BBS9: variants seen among roughly 807,000 people sequenced by gnomAD.
BBS9 encodes Bardet-Biedl syndrome 9, also known as protein PTHB1.
BBS9 carries 89 observed loss-of-function variants against 117.7 expected under a neutral mutation model. The ratio of observed to expected loss-of-function variants is 0.76; its 90% CI spans 0.64 to 0.90. The LOEUF (loss-of-function observed/expected upper bound fraction) is 0.90. Among genes scored for constraint, BBS9 ranks in the 40% least tolerant of loss-of-function variants. BBS9 has a pLI of 0.00. For missense variants in BBS9, 982 were observed against 1,042.2 expected (o/e 0.94, Z 0.80); for synonymous variants, 379 against 370.9 (o/e 1.02, Z -0.25).
chr7:33,513,173 C>G (rs1377716430), intron 20 of BBS9, among the ~76,000 whole-genome samples: 1 of 152,210 alleles, frequency 6.6e-6, no homozygotes, highest in Non-Finnish European at 1.5e-5. Context: ...GGGTACACAG[C>G]TTCTTCCATC....
chr7:33,433,308 C>T (rs909785456), intron 19 of BBS9, among the ~76,000 whole-genome samples: 1 of 152,144 alleles, frequency 6.6e-6, no homozygotes, highest in African/African-American at 2.4e-5. Flanking sequence ...TCACAGTCAT[C>T]TGTATAATGC....
chr7:33,318,330 T>C (rs1462942704), intron 9 of BBS9, among the ~76,000 whole-genome samples: 1 of 152,182 alleles, frequency 6.6e-6, no homozygotes, highest in Non-Finnish European at 1.5e-5. Flanking sequence ...TTTACATATA[T>C]TGGTCCTTCT....
At chr7:33,611,645 G>A (rs1406553523) in intron 21 of BBS9, among the ~76,000 whole-genome samples, 1 of 101,984 alleles carries the variant, frequency 9.8e-6, no homozygotes, top group Non-Finnish European at 1.7e-5. Context: ...ATTATATAAG[G>A]TATATTATAT....
At position 33,379,120 on chromosome 7, in the gene BBS9, C is replaced by T. The variant is rs978823218; in HGVS notation, c.1790-4546C>T. On this transcript the variant is annotated intron_variant, in intron 17 of 22. Transcript: ENST00000242067. ...TGCTTACTGCACTTCAGACGTACTA[C>T]GTTCCTCGTCTGTGTTTTATAAACA... Among the ~76,000 whole-genome samples the T allele has an allele frequency of 6.6e-5, 10 of 152,222 alleles. No homozygotes were observed. The East Asian group carries it at 7.7e-4, about 12-fold the overall frequency.
intron 21 of BBS9, among the ~76,000 whole-genome samples, chr7:33,558,849 T>C (rs1352423735): frequency 6.6e-6 from 1 of 152,100 alleles, no homozygotes; most frequent in African/African-American, 2.4e-5. Flanking sequence ...TTTGAGAAAA[T>C]GAATAATTTA....
intron 19 of BBS9, among the ~76,000 whole-genome samples, chr7:33,414,467 T>C (rs185654414): frequency 6.6e-6 from 1 of 152,100 alleles, no homozygotes; most frequent in East Asian, 1.9e-4. Context: ...AAAATGAAAA[T>C]GGAAAAGCAC....
chr7:33,372,099 C>T (rs1438243119), intron 17 of BBS9, among the ~76,000 whole-genome samples: 2 of 151,730 alleles, frequency 1.3e-5, no homozygotes, highest in Non-Finnish European at 2.9e-5. Context: ...AGCAAGTGAA[C>T]TAGGTTAAAA....
chr7:33,485,379 G>A (rs1429267250), intron 19 of BBS9, among the ~76,000 whole-genome samples: 1 of 146,180 alleles, frequency 6.8e-6, no homozygotes, highest in Non-Finnish European at 1.5e-5. Flanking sequence ...GCGCGATCTC[G>A]GCTCATTGCA....
rs58511454 is a variant in BBS9 at position 33,597,069 on chromosome 7, T to TCACACA, written c.2522-7757_2522-7752dup. 6.5e-3 allele frequency among the ~76,000 whole-genome samples: 906 copies of TCACACA among 138,912 alleles called. 5 individuals carry two copies. The highest frequency in any genetic ancestry group is 0.026 in the Middle Eastern group (7 of 274). 91.1% of individuals were successfully genotyped at this position (138,912 alleles called of 152,430 possible). ...AATCATCTCTCTCTCTCTCTCTCTG[T>TCACACA]CACACACACACACACACACACACAC... On this transcript the variant is annotated intron_variant, in intron 21 of 22. Transcript: ENST00000242067.
chr7:33,329,955 GT>G (rs1813669842), intron 9 of BBS9, among the ~76,000 whole-genome samples: 1 of 151,572 alleles, frequency 6.6e-6, no homozygotes, highest in African/African-American at 2.4e-5. Flanking sequence ...TTTCTGTTGG[GT>G]ATAGTATCAT....
rs200492206 is a variant in BBS9, at chr7:33,258,507, A to G, written c.617+1097A>G. ...TAACCGATTTAGGAAGTGTATCATC[A>G]TGTAATATTCCTTCTGTAATTCTTA... On this transcript the variant is annotated intron_variant, in intron 6 of 22. Transcript: ENST00000242067. 3.9e-5 allele frequency among the ~76,000 whole-genome samples: 6 copies of G among 152,254 alleles called. No homozygotes were observed. The East Asian group carries it at 1.2e-3, about 29-fold the overall frequency.
chr7:33,603,352 A>T (rs1228847701), intron 21 of BBS9, among the ~76,000 whole-genome samples: 1 of 151,894 alleles, frequency 6.6e-6, no homozygotes, highest in Non-Finnish European at 1.5e-5. Flanking sequence ...CCACCACCGC[A>T]TATACCCTTT....
chr7:33,196,732 T>G (rs570954359), intron 5 of BBS9, among the ~76,000 whole-genome samples: 16 of 152,208 alleles, frequency 1.1e-4, no homozygotes, highest in Non-Finnish European at 2.4e-4. Flanking sequence ...CCTTTATGGA[T>G]CCACAGTGAG....
rs1389105448 is a variant in BBS9, at chr7:33,156,878, A to G, written c.328+1176A>G. On this transcript the variant is annotated intron_variant, in intron 4 of 22. Coordinates refer to ENST00000242067, the MANE Select transcript of BBS9 (RefSeq NM_198428.3). ...GTTTCATGTTGCTCCTCCTAGTGTC[A>G]GGGCATTTATTTAGTATGCCAGAGT... Among the ~76,000 whole-genome samples, 16 of 151,782 alleles carry G rather than the reference A, an allele frequency of 1.1e-4. No individual in the cohort carries two copies. The Admixed American group carries it at 1.1e-3, about 10-fold the overall frequency.
intron 19 of BBS9, among the ~76,000 whole-genome samples, chr7:33,468,917 C>T (rs1163914876): frequency 6.6e-6 from 1 of 152,016 alleles, no homozygotes; most frequent in Non-Finnish European, 1.5e-5. Flanking sequence ...TTGGTGGACA[C>T]TTAGGTTGGT....
intron 8 of BBS9, 126 bp from the exon 9 acceptor site, chr7:33,273,701 T>C: frequency 1.2e-6 from 1 of 847,228 alleles, no homozygotes; most frequent in Admixed American, 2.5e-5. Context: ...TGTTTTATTA[T>C]GTAAAATCTT....
In BBS9 at chr7:33,273,920, C is replaced by T; in HGVS notation, c.980C>T (p.Pro327Leu). ...DVTLKWATQL[P>L]HIPVAVRVGC... Reference sequence around the variant, plus strand: ...ACACTGAAGTGGGCCACCCAACTTCCCCACATTCCTGTAGCAGTAAGAGTG... The same window carrying T: ...ACACTGAAGTGGGCCACCCAACTTCTCCACATTCCTGTAGCAGTAAGAGTG... Residue 327 changes from proline to leucine, a missense_variant, in exon 9 of 23, where the codon CCC (proline) becomes CTC (leucine). Coordinates refer to ENST00000242067, the MANE Select transcript of BBS9 (RefSeq NM_198428.3). 6.2e-7 allele frequency: 1 copy of T among 1,613,482 alleles called. No individual in the cohort carries two copies. The highest frequency in any genetic ancestry group is 8.5e-7 in the Non-Finnish European group (1 of 1,179,658).
intron 21 of BBS9, among the ~76,000 whole-genome samples, chr7:33,594,735 T>C (rs1862458611): frequency 1.3e-5 from 2 of 152,252 alleles, no homozygotes; most frequent in South Asian, 4.1e-4. Flanking sequence ...CATGCTGTAT[T>C]AAGAGCACAG....
intron 21 of BBS9, among the ~76,000 whole-genome samples, chr7:33,577,363 C>T (rs144444957): frequency 0.013 from 2,022 of 152,260 alleles, 25 homozygotes; most frequent in Non-Finnish European, 0.021. Context: ...TACCATCTCA[C>T]GCCAGTTAGA....
Sources: gnomAD v4.1 joint callset for allele counts (sites outside exome capture counted in the v4.1 genomes callset) on GRCh38, gnomAD v4.1.1 for gene constraint, MANE v1.5 for transcripts, NCBI Gene and HGNC (gene_info 2026-07-23, HGNC 2026-07-21) for gene names.